The following FOCAD variants were observed in gnomAD, a reference collection of about 807,000 sequenced individuals.
FOCAD encodes the protein focadhesin.
A neutral mutation model predicts 225.6 loss-of-function variants in FOCAD; 198 were observed. That is an observed-to-expected ratio of 0.88 (90% CI 0.78 to 0.99). The LOEUF (loss-of-function observed/expected upper bound fraction) is 0.99, where lower values mean the gene tolerates loss of function less well. FOCAD is among the 50% of genes least tolerant of loss of function. The pLI, the probability that FOCAD is intolerant of heterozygous loss-of-function variation, is 0.00. For synonymous variants in FOCAD, 897 were observed against 755.0 expected, an observed-to-expected ratio of 1.19 and a Z score of -3.08; for missense variants, 2,713 against 2,123.6, an observed-to-expected ratio of 1.28 and a Z score of -5.46.
chr9:20,864,660 C>T (rs1829073626), intron 16 of FOCAD, among the ~76,000 whole-genome samples: 3 of 152,054 alleles, frequency 2.0e-5, no homozygotes, highest in Admixed American at 6.6e-5. Context: ...CCCCATTCAA[C>T]TATAGGCTTA....
intron 21 of FOCAD, among the ~76,000 whole-genome samples, chr9:20,894,424 T>C (rs1831895062): frequency 6.6e-6 from 1 of 151,852 alleles, no homozygotes; most frequent in Non-Finnish European, 1.5e-5. Context: ...ATGGTAAGAG[T>C]GTGTTTGGTT....
chr9:20,776,337 A>T (rs969029124), intron 8 of FOCAD, among the ~76,000 whole-genome samples: 1 of 152,210 alleles, frequency 6.6e-6, no homozygotes, highest in African/African-American at 2.4e-5. Context: ...ATTAGGTTGC[A>T]CCTGTGCAGA....
At chr9:20,895,827 T>TTTTC (rs1468117275) in intron 21 of FOCAD, among the ~76,000 whole-genome samples, 1 of 151,982 alleles carries the variant, frequency 6.6e-6, no homozygotes, top group East Asian at 1.9e-4. Flanking sequence ...GCAAAGACAA[T>TTTTC]TTTCTTTCTT....
intron 33 of FOCAD, among the ~76,000 whole-genome samples, chr9:20,950,052 G>A (rs1187006295): frequency 6.6e-6 from 1 of 151,960 alleles, no homozygotes; most frequent in Non-Finnish European, 1.5e-5. Flanking sequence ...TGATAAAAGT[G>A]TTTGGGCATA....
At chr9:20,656,159 T>A (rs1308573974), upstream of FOCAD, among the ~76,000 whole-genome samples, 2 of 149,940 alleles carry the variant, frequency 1.3e-5, no homozygotes, top group Admixed American at 6.6e-5. Context: ...TTATAATTTC[T>A]GTTCTTTTAC....
chr9:20,731,093 G>C (rs1465714736), intron 4 of FOCAD, among the ~76,000 whole-genome samples: 2 of 152,112 alleles, frequency 1.3e-5, no homozygotes, highest in African/African-American at 2.4e-5. Context: ...AAAAAAATTA[G>C]CTGGGCCTGT....
At position 20,949,054 on chromosome 9, in the gene FOCAD, G is replaced by A. The variant is rs529662167; in HGVS notation, c.3876+126G>A. 1.1e-4 allele frequency: 83 copies of A among 781,216 alleles called. No individual in the cohort carries two copies. The East Asian group carries it at 2.1e-3, about 20-fold the overall frequency. 48.4% of individuals were successfully genotyped at this position (781,216 alleles called of 1,614,324 possible). On this transcript the variant is annotated intron_variant, in intron 32 of 43. Transcript: ENST00000338382. ...TATGCTCATGGTAATAGTTACACCA[G>A]ACTTTTTAATGCCTTGCTGTATGAA...
At chr9:20,735,669 T>C (rs943713416) in intron 4 of FOCAD, among the ~76,000 whole-genome samples, 5 of 151,742 alleles carry the variant, frequency 3.3e-5, no homozygotes, top group African/African-American at 1.2e-4. Flanking sequence ...GTGTGTGCCA[T>C]CATGCTTGGC....
At position 20,686,242 on chromosome 9, in the gene FOCAD, C is replaced by T. The variant is rs138102420; in HGVS notation, c.-33+1949C>T. 8.5e-3 allele frequency among the ~76,000 whole-genome samples: 1,294 copies of T among 152,240 alleles called. 13 individuals carry two copies. The highest frequency in any genetic ancestry group is 0.01 in the Non-Finnish European group (686 of 68,014). ...TGCGATCTCGGCTCACTGCAACCTC[C>T]GCCTCCCAGGTTCAAGTGATTCTTC... On this transcript the variant is annotated intron_variant, in intron 1 of 43. Coordinates refer to ENST00000338382, the MANE Select transcript of FOCAD (RefSeq NM_001375567.1).
At chr9:20,986,212 G>GCCCTT in intron 39 of FOCAD, 76 bp from the exon 40 acceptor site, 1 of 1,309,282 alleles carries the variant, frequency 7.6e-7, no homozygotes. Flanking sequence ...TTTTTGTTTT[G>GCCCTT]CCCTTGCCCT....
At position 20,667,019 on chromosome 9, in the gene FOCAD, A is replaced by T. The variant is rs571584565; in HGVS notation, c.-78+8193A>T. 3.9e-5 allele frequency among the ~76,000 whole-genome samples: 6 copies of T among 152,348 alleles called. No homozygotes were observed. The East Asian group carries it at 1.2e-3, about 29-fold the overall frequency. On this transcript the variant is annotated intron_variant, in intron 2 of 45. Coordinates refer to the FOCAD transcript ENST00000380249. ...TTTTGCATCTTTTCATTAGGAAAAA[A>T]GCGATTGATTTAAATTTGAAGTCAC...
Position 20,912,972 on chromosome 9 carries a change from G to A in FOCAD, c.2807+18G>A, listed in dbSNP as rs754521532. On this transcript the variant is annotated intron_variant, in intron 23 of 43. Coordinates refer to ENST00000338382, the MANE Select transcript of FOCAD (RefSeq NM_001375567.1). ...TGGCTCTGGTAAGTGTTCATGTTCA[G>A]CTGCCCATTATTTGTCATGGGAAGT... The A allele has an allele frequency of 6.9e-6, 11 of 1,598,618 alleles. No individual in the cohort carries two copies. In the East Asian group the frequency reaches 2.0e-4, roughly 29 times the overall value.
intron 8 of FOCAD, among the ~76,000 whole-genome samples, chr9:20,774,296 C>T (rs967176173): frequency 2.0e-5 from 3 of 152,174 alleles, no homozygotes; most frequent in South Asian, 2.1e-4. Flanking sequence ...GTTTCCAAGA[C>T]TACAGGGGAT....
chr9:20,985,643 C>A (rs930972326), intron 39 of FOCAD, among the ~76,000 whole-genome samples: 1 of 152,142 alleles, frequency 6.6e-6, no homozygotes, highest in Non-Finnish European at 1.5e-5. Flanking sequence ...TGGCTTGAGA[C>A]CACCATCATA....
intron 1 of FOCAD, among the ~76,000 whole-genome samples, chr9:20,689,154 G>A (rs140119041): frequency 6.6e-6 from 1 of 152,290 alleles, no homozygotes; most frequent in Admixed American, 6.5e-5. Flanking sequence ...GGGAGATAAT[G>A]AAAAGGATAG....
chr9:20,848,607 G>A (rs1323876897), intron 15 of FOCAD, among the ~76,000 whole-genome samples: 1 of 151,836 alleles, frequency 6.6e-6, no homozygotes, highest in Non-Finnish European at 1.5e-5. Context: ...TCATTTTGGG[G>A]TATCATTTTC....
intron 16 of FOCAD, among the ~76,000 whole-genome samples, chr9:20,865,485 G>A (rs1219905353): frequency 1.3e-5 from 2 of 151,960 alleles, no homozygotes; most frequent in Non-Finnish European, 2.9e-5. Flanking sequence ...TGTGGTTTAG[G>A]TCTTTGAAAT....
At chr9:20,775,205 C>T (rs942971208) in intron 8 of FOCAD, among the ~76,000 whole-genome samples, 4 of 152,138 alleles carry the variant, frequency 2.6e-5, no homozygotes, top group African/African-American at 9.7e-5. Flanking sequence ...TGGATTCGGT[C>T]TTAGTTGAGC....
Position 20,866,611 on chromosome 9 carries a change from A to G in FOCAD, c.2107-318A>G, listed in dbSNP as rs565007345. Among the ~76,000 whole-genome samples, 19 of 152,156 alleles carry G rather than the reference A, an allele frequency of 1.2e-4. 1 individual carries two copies. The South Asian group carries it at 3.9e-3, about 32-fold the overall frequency. ...TCCTTGCCCATTTTTAATTGGGCAT[A>G]TTCTCCAGAAAAATGTTTAATGCTG... On this transcript the variant is annotated intron_variant, in intron 17 of 43. Transcript: ENST00000338382.
Sources: allele counts gnomAD v4.1 joint callset (sites outside exome capture counted in the v4.1 genomes callset), GRCh38; gene constraint gnomAD v4.1.1; transcripts MANE v1.5; gene names NCBI Gene and HGNC (gene_info 2026-07-23, HGNC 2026-07-21).